The following XIRP2 variants were observed in gnomAD, a reference collection of about 807,000 sequenced individuals.
XIRP2 encodes xin actin binding repeat containing 2.
Under a neutral mutation model 277.0 loss-of-function variants are expected in XIRP2, and 236 were observed. The observed-to-expected ratio is 0.85, with a 90% CI of 0.77 to 0.95. The LOEUF is 0.95. XIRP2 is among the 40% of genes least tolerant of loss of function. XIRP2 has a pLI of 0.00. For missense variants in XIRP2, 4,640 were observed against 4,157.5 expected, an observed-to-expected ratio of 1.12 and a Z score of -3.19; for synonymous variants, 1,490 against 1,416.5, an observed-to-expected ratio of 1.05 and a Z score of -1.17.
intron 3 of XIRP2, among the ~76,000 whole-genome samples, chr2:167,169,003 T>C (rs1279306440): frequency 2.0e-5 from 3 of 152,206 alleles, no homozygotes; most frequent in Non-Finnish European, 4.4e-5. Context: ...GAGTCTGACT[T>C]TGAGTTTGTC....
chr2:167,087,487 G>T (rs758553083), intron 2 of XIRP2, among the ~76,000 whole-genome samples: 188 of 152,324 alleles, frequency 1.2e-3, no homozygotes, highest in Non-Finnish European at 1.8e-3. Context: ...GAGCTTCCCG[G>T]CTGCTTTGTT....
intron 3 of XIRP2, among the ~76,000 whole-genome samples, chr2:167,159,107 A>G (rs1214717181): frequency 6.6e-6 from 1 of 152,178 alleles, no homozygotes; most frequent in Non-Finnish European, 1.5e-5. Flanking sequence ...GAGGGGCTGC[A>G]CTGGAAAACT....
chr2:167,023,586 T>C (rs1447395843), intron 2 of XIRP2, among the ~76,000 whole-genome samples: 1 of 152,238 alleles, frequency 6.6e-6, no homozygotes, highest in Non-Finnish European at 1.5e-5. Context: ...TTTATGGTTT[T>C]AGGTCAAACA....
chr2:167,047,138 G>T (rs1373976944), intron 2 of XIRP2, among the ~76,000 whole-genome samples: 6 of 151,722 alleles, frequency 4.0e-5, no homozygotes, highest in Non-Finnish European at 7.4e-5. Flanking sequence ...AAATCGAAGT[G>T]TAAGATTTGG....
chr2:167,237,766 C>T (rs995245824), intron 5 of XIRP2, among the ~76,000 whole-genome samples: 1 of 152,128 alleles, frequency 6.6e-6, no homozygotes, highest in Admixed American at 6.6e-5. Flanking sequence ...GCACATTCTC[C>T]TTTGCTACTT....
chr2:167,193,900 A>AAAAAAAG (rs1693423646), intron 3 of XIRP2, among the ~76,000 whole-genome samples: 1 of 150,036 alleles, frequency 6.7e-6, no homozygotes, highest in Non-Finnish European at 1.5e-5. Flanking sequence ...AAAAAAAAAA[A>AAAAAAAG]TTCAGTGAGA....
intron 2 of XIRP2, among the ~76,000 whole-genome samples, chr2:167,103,946 T>G (rs1467666079): frequency 6.6e-6 from 1 of 152,168 alleles, no homozygotes. Flanking sequence ...AATCTGTACT[T>G]CCTCTGTTGG....
At position 167,082,280 on chromosome 2, in the gene XIRP2, C is replaced by A. The variant is rs535870977; in HGVS notation, c.409-53629C>A. On this transcript the variant is annotated intron_variant, in intron 2 of 10. Coordinates refer to ENST00000409195, the MANE Select transcript of XIRP2 (RefSeq NM_152381.6). ...TCCCTACAAAGGACATGAACTCATC[C>A]TTTTTTATGGCTGCATAGTATTGCA... Among the ~76,000 whole-genome samples, 44 of 152,216 alleles carry A rather than the reference C, an allele frequency of 2.9e-4. No individual in the cohort carries two copies. In the Middle Eastern group the frequency reaches 0.017, roughly 59 times the overall value.
At chr2:166,966,330 T>C (rs906655980) in intron 2 of XIRP2, among the ~76,000 whole-genome samples, 1 of 151,894 alleles carries the variant, frequency 6.6e-6, no homozygotes, top group Non-Finnish European at 1.5e-5. Flanking sequence ...TTTCTGTTCA[T>C]ATAACTTATA....
intron 2 of XIRP2, among the ~76,000 whole-genome samples, chr2:166,951,932 C>T (rs540825327): frequency 6.6e-5 from 10 of 152,152 alleles, no homozygotes; most frequent in Admixed American, 4.6e-4. Context: ...AGGATGTAAT[C>T]GTGCTTCGAA....
chr2:166,904,356 T>C (rs1317514650), intron 2 of XIRP2, among the ~76,000 whole-genome samples: 1 of 152,172 alleles, frequency 6.6e-6, no homozygotes, highest in Non-Finnish European at 1.5e-5. Context: ...CATTAACTTC[T>C]CTAGCTGAAT....
At chr2:166,979,565 CTT>C (rs1686813801) in intron 2 of XIRP2, among the ~76,000 whole-genome samples, 1 of 150,598 alleles carries the variant, frequency 6.6e-6, no homozygotes, top group South Asian at 2.1e-4. Context: ...CTTTTTTATT[CTT>C]TGTTTCTGCA....
chr2:166,890,278 C>T (rs1297649142), intron 1 of XIRP2, among the ~76,000 whole-genome samples: 1 of 152,078 alleles, frequency 6.6e-6, no homozygotes, highest in Non-Finnish European at 1.5e-5. Context: ...CAGGCATGAG[C>T]CACCGTGCCT....
chr2:167,022,217 T>C (rs1354572471), intron 2 of XIRP2, among the ~76,000 whole-genome samples: 1 of 152,080 alleles, frequency 6.6e-6, no homozygotes, highest in Non-Finnish European at 1.5e-5. Context: ...TGGGGAGCAA[T>C]ATTTTGGATT....
intron 2 of XIRP2, among the ~76,000 whole-genome samples, chr2:167,083,261 C>A (rs1214169292): frequency 6.6e-6 from 1 of 151,906 alleles, no homozygotes; most frequent in Admixed American, 6.6e-5. Flanking sequence ...TGTAGATATG[C>A]GGCATTATTT....
At chr2:167,033,376 C>T (rs767628015) in intron 2 of XIRP2, among the ~76,000 whole-genome samples, 6 of 152,014 alleles carry the variant, frequency 3.9e-5, no homozygotes, top group African/African-American at 9.7e-5. Context: ...CACCATGGCA[C>T]GTGTATACCT....
rs995993490 is a variant in XIRP2 at position 167,239,187 on chromosome 2, C to A, written c.859-668C>A. Among the ~76,000 whole-genome samples, 8 of 151,774 alleles carry A rather than the reference C, an allele frequency of 5.3e-5. No homozygotes were observed. The East Asian group carries it at 1.5e-3, about 29-fold the overall frequency. On this transcript the variant is annotated intron_variant, in intron 5 of 10. Coordinates refer to ENST00000409195, the MANE Select transcript of XIRP2 (RefSeq NM_152381.6). ...ACATAAAAATGTGGCTTGTAAACAA[C>A]AAAAAAAATACATATATATTTTTTC...
At chr2:167,162,144 AG>A (rs1692389179) in intron 3 of XIRP2, among the ~76,000 whole-genome samples, 1 of 152,174 alleles carries the variant, frequency 6.6e-6, no homozygotes, top group Admixed American at 6.5e-5. Context: ...ATTCGGTCAA[AG>A]CCATTCAACA....
intron 2 of XIRP2, among the ~76,000 whole-genome samples, chr2:167,121,820 C>T (rs1273123953): frequency 2.0e-5 from 3 of 152,140 alleles, no homozygotes; most frequent in Non-Finnish European, 4.4e-5. Context: ...ATCTGCATCT[C>T]ATGGGGAATT....
Sources: allele counts gnomAD v4.1 joint callset (sites outside exome capture counted in the v4.1 genomes callset), GRCh38; gene constraint gnomAD v4.1.1; transcripts MANE v1.5; gene names NCBI Gene and HGNC (gene_info 2026-07-23, HGNC 2026-07-21).